The following KSR1 variants were observed in gnomAD, a reference collection of about 807,000 sequenced individuals.
The protein encoded by KSR1 is kinase suppressor of ras 1, also known as kinase suppressor of ras.
KSR1 carries 35 observed loss-of-function variants against 92.9 expected under a neutral mutation model. The observed-to-expected ratio is 0.38, with a 90% CI of 0.29 to 0.50. KSR1 has a LOEUF of 0.50. KSR1 is among the 20% of genes least tolerant of loss of function. The pLI is 0.94. For synonymous variants in KSR1, 467 were observed against 472.6 expected, an observed-to-expected ratio of 0.99 and a Z score of 0.15; for missense variants, 972 against 1,158.5, an observed-to-expected ratio of 0.84 and a Z score of 2.34.
chr17:27,500,194 A>G (rs917436908), intron 1 of KSR1, among the ~76,000 whole-genome samples: 1 of 152,210 alleles, frequency 6.6e-6, no homozygotes, highest in Non-Finnish European at 1.5e-5. Flanking sequence ...GTTCCGTGCA[A>G]TGCAGTGGGT....
intron 3 of KSR1, among the ~76,000 whole-genome samples, chr17:27,580,891 C>T (rs1234936274): frequency 6.6e-6 from 1 of 152,136 alleles, no homozygotes; most frequent in African/African-American, 2.4e-5. Context: ...CTCAGCCTCC[C>T]AAGTAGCTGG....
chr17:27,610,658 G>A (rs1289603625), intron 17 of KSR1, among the ~76,000 whole-genome samples: 1 of 152,052 alleles, frequency 6.6e-6, no homozygotes, highest in African/African-American at 2.4e-5. Flanking sequence ...TTTTCTAATA[G>A]CCACATTAAA....
rs765432501 is a variant in KSR1 at position 27,617,423 on chromosome 17, A to G, written c.2622A>G (p.Ser874=). The part of the protein sequence containing the change: ...RLSHPGHFWK[S]ADRWRSRYYG... The stretch of plus-strand genomic sequence containing the variant: ...CCCACCCTGGACACTTCTGGAAGTC[A>G]GCTGAGTAAGTGCCTCTTCCATGAG... The change falls in exon 19 of 21, where the codon TCA becomes TCG. Residue 874 remains serine, a synonymous_variant. Transcript: ENST00000644974. The G allele has an allele frequency of 1.2e-6, 2 of 1,606,218 alleles. No homozygotes were observed. The highest frequency in any genetic ancestry group is 1.7e-6 in the Non-Finnish European group (2 of 1,173,932).
At chr17:27,584,853 C>G (rs1471302031) in intron 4 of KSR1, among the ~76,000 whole-genome samples, 1 of 151,998 alleles carries the variant, frequency 6.6e-6, no homozygotes, top group Non-Finnish European at 1.5e-5. Flanking sequence ...GTGTCCCTGC[C>G]TGACTCTCCT....
chr17:27,596,460 A>G (rs1258870275), intron 9 of KSR1, among the ~76,000 whole-genome samples: 1 of 152,126 alleles, frequency 6.6e-6, no homozygotes, highest in African/African-American at 2.4e-5. Context: ...TAGCAGGGGG[A>G]GCATGCTTGC....
At chr17:27,492,403 T>C (rs1414093018) in intron 1 of KSR1, among the ~76,000 whole-genome samples, 1 of 152,184 alleles carries the variant, frequency 6.6e-6, no homozygotes, top group Non-Finnish European at 1.5e-5. Flanking sequence ...CTTGTGCCCG[T>C]GAATTCCTTT....
chr17:27,520,082 C>G (rs2069961302), intron 1 of KSR1, among the ~76,000 whole-genome samples: 1 of 152,168 alleles, frequency 6.6e-6, no homozygotes, highest in Non-Finnish European at 1.5e-5. Flanking sequence ...ACCCTTTATA[C>G]CGAATGAATT....
intron 1 of KSR1, among the ~76,000 whole-genome samples, chr17:27,489,561 G>T (rs956767885): frequency 6.6e-6 from 1 of 152,008 alleles, no homozygotes; most frequent in African/African-American, 2.4e-5. Flanking sequence ...GGTAACCCTG[G>T]CTCATTCTTC....
chr17:27,527,081 A>G (rs537186515), intron 1 of KSR1: 3 of 426,278 alleles, frequency 7.0e-6, no homozygotes, highest in East Asian at 5.2e-5. Flanking sequence ...CTGCAGGTAC[A>G]TTGATTGCTT....
chr17:27,586,618 G>A (rs2072977468), intron 5 of KSR1, among the ~76,000 whole-genome samples: 1 of 152,174 alleles, frequency 6.6e-6, no homozygotes, highest in Admixed American at 6.5e-5. Context: ...CCATCTCTAG[G>A]ACAGCCCCAG....
intron 2 of KSR1, among the ~76,000 whole-genome samples, chr17:27,565,373 AG>A (rs2072021887): frequency 1.3e-5 from 2 of 152,228 alleles, no homozygotes; most frequent in Admixed American, 6.5e-5. Context: ...CTGTATGAGG[AG>A]GCAGTGCTTT....
intron 9 of KSR1, among the ~76,000 whole-genome samples, chr17:27,594,184 A>C (rs1567867037): frequency 6.6e-6 from 1 of 152,132 alleles, no homozygotes; most frequent in African/African-American, 2.4e-5. Flanking sequence ...CTGCTTTGTA[A>C]ATTGGGGTTA....
intron 1 of KSR1, among the ~76,000 whole-genome samples, chr17:27,469,047 G>C (rs1295685139): frequency 1.3e-5 from 2 of 152,170 alleles, no homozygotes; most frequent in Non-Finnish European, 2.9e-5. Context: ...GCTTCACTGT[G>C]TGTGGGCCCT....
Position 27,501,859 on chromosome 17 carries a change from T to C in KSR1, c.231+44985T>C, listed in dbSNP as rs1302673283. On this transcript the variant is annotated intron_variant, in intron 1 of 20. Transcript: ENST00000644974. ...ACACTGCTAAATACTTTCCATACAT[T>C]GTCGTTAGTTCTCATAATAACTTGA... is the stretch of plus-strand genomic sequence containing the variant. Among the ~76,000 whole-genome samples, 4 of 152,226 alleles carry C rather than the reference T, an allele frequency of 2.6e-5. 1 individual carries two copies. The highest frequency in any genetic ancestry group is 2.6e-4 in the Admixed American group (4 of 15,280).
intron 1 of KSR1, among the ~76,000 whole-genome samples, chr17:27,508,709 TTTTATTTATTTATTTA>T (rs60879548): frequency 7.2e-6 from 1 of 138,272 alleles, no homozygotes; most frequent in African/African-American, 2.7e-5. Context: ...CCTGAATTTT[TTTTATTTATTTATTTA>T]TTTATTTATT....
chr17:27,558,268 C>CTTTTTTTTTTT (rs35172937), intron 2 of KSR1: 4 of 142,054 alleles, frequency 2.8e-5, no homozygotes, highest in Non-Finnish European at 1.5e-5. Context: ...CCTTCTCTCT[C>CTTTTTTTTTTT]TTTTTTTTTT....
At chr17:27,477,417 T>C (rs923825506) in intron 1 of KSR1, among the ~76,000 whole-genome samples, 22 of 152,240 alleles carry the variant, frequency 1.4e-4, no homozygotes, top group Middle Eastern at 3.4e-3. Context: ...TACCTCCTAT[T>C]ATACAGGGAA....
At chr17:27,484,264 C>T (rs575781864) in intron 1 of KSR1, among the ~76,000 whole-genome samples, 37 of 152,362 alleles carry the variant, frequency 2.4e-4, no homozygotes, top group Admixed American at 1.6e-3. Context: ...CAGGTTCTCG[C>T]TCTGTCGCCC....
intron 1 of KSR1, among the ~76,000 whole-genome samples, chr17:27,541,144 G>T (rs1214983032): frequency 6.6e-6 from 1 of 152,208 alleles, no homozygotes; most frequent in Non-Finnish European, 1.5e-5. Context: ...AGACTGCTGT[G>T]GGCACCACGT....
Sources: gnomAD v4.1 joint callset for allele counts (sites outside exome capture counted in the v4.1 genomes callset) on GRCh38, gnomAD v4.1.1 for gene constraint, MANE v1.5 for transcripts, NCBI Gene and HGNC (gene_info 2026-07-23, HGNC 2026-07-21) for gene names.